Variants in FNDC3B observed in about 807,000 individuals in gnomAD.
The protein encoded by FNDC3B is fibronectin type III domain containing 3B, also known as fibronectin type III domain-containing protein 3B.
In FNDC3B, 12 loss-of-function variants were observed where a neutral mutation model predicts 151.5. The observed-to-expected ratio is 0.08, with a 90% CI of 0.05 to 0.13. FNDC3B has a LOEUF of 0.13. Ranked by LOEUF, FNDC3B falls within the 10% of genes least tolerant of loss-of-function variation. FNDC3B has a pLI of 1.00. For missense variants in FNDC3B, 1,214 were observed against 1,505.3 expected, an observed-to-expected ratio of 0.81 and a Z score of 3.20; for synonymous variants, 528 against 549.0, an observed-to-expected ratio of 0.96 and a Z score of 0.54.
chr3:172,362,339 G>A (rs865897950), intron 22 of FNDC3B, among the ~76,000 whole-genome samples: 2 of 152,010 alleles, frequency 1.3e-5, no homozygotes, highest in Non-Finnish European at 2.9e-5. Context: ...ATATAAAAGC[G>A]TATCTTTAAG....
chr3:172,362,337 GC>G (rs371489798), intron 22 of FNDC3B, among the ~76,000 whole-genome samples: 1 of 151,972 alleles, frequency 6.6e-6, no homozygotes, highest in African/African-American at 2.4e-5. Flanking sequence ...AAATATAAAA[GC>G]GTATCTTTAA....
chr3:172,307,737 C>T (rs149045481), intron 10 of FNDC3B, among the ~76,000 whole-genome samples: 24 of 152,212 alleles, frequency 1.6e-4, no homozygotes, highest in African/African-American at 4.8e-4. Flanking sequence ...TTTTTTAGCA[C>T]GACTCCAGTC....
intron 25 of FNDC3B, among the ~76,000 whole-genome samples, chr3:172,391,911 G>A (rs1307236160): frequency 1.3e-5 from 2 of 151,898 alleles, no homozygotes; most frequent in East Asian, 1.9e-4. Context: ...TCCAAGAAAA[G>A]CATTCTATAC....
intron 25 of FNDC3B, among the ~76,000 whole-genome samples, chr3:172,387,205 C>G (rs1420665836): frequency 1.3e-5 from 2 of 152,198 alleles, no homozygotes; most frequent in Non-Finnish European, 2.9e-5. Context: ...GATCCACCTG[C>G]TTCGGCCTCC....
At chr3:172,267,795 C>T (rs940363159) in intron 6 of FNDC3B, among the ~76,000 whole-genome samples, 10 of 151,892 alleles carry the variant, frequency 6.6e-5, no homozygotes, top group East Asian at 1.9e-4. Context: ...TCTTATGTCC[C>T]GTAAATGTTA....
intron 23 of FNDC3B, among the ~76,000 whole-genome samples, chr3:172,377,709 T>C (rs1422144460): frequency 6.6e-6 from 1 of 152,202 alleles, no homozygotes; most frequent in East Asian, 1.9e-4. Context: ...TTTTTTTTTC[T>C]TTTTACATGT....
chr3:172,319,435 A>C (rs1229173237), intron 11 of FNDC3B, among the ~76,000 whole-genome samples: 1 of 152,204 alleles, frequency 6.6e-6, no homozygotes, highest in Non-Finnish European at 1.5e-5. Flanking sequence ...TTTAAACCAG[A>C]AGACCTAGTG....
At chr3:172,355,607 T>C (rs765172844) in intron 22 of FNDC3B, among the ~76,000 whole-genome samples, 19 of 152,178 alleles carry the variant, frequency 1.2e-4, no homozygotes, top group Non-Finnish European at 2.2e-4. Context: ...AGAGCAGTGA[T>C]TCTTAAATGT....
chr3:172,375,893 G>C (rs1735111274), intron 23 of FNDC3B, among the ~76,000 whole-genome samples: 1 of 152,134 alleles, frequency 6.6e-6, no homozygotes, highest in Non-Finnish European at 1.5e-5. Flanking sequence ...TCCTGGAGCT[G>C]CCTAACTCCG....
intron 25 of FNDC3B, among the ~76,000 whole-genome samples, chr3:172,394,101 C>T (rs1736151773): frequency 5.4e-5 from 1 of 18,664 alleles, no homozygotes; most frequent in Admixed American, 7.1e-4. Flanking sequence ...GAGTGAGACT[C>T]CTTCTAAAAA....
At chr3:172,071,420 G>A (rs1717767881) in intron 1 of FNDC3B, among the ~76,000 whole-genome samples, 1 of 151,968 alleles carries the variant, frequency 6.6e-6, no homozygotes, top group African/African-American at 2.4e-5. Context: ...TGGTTTTATG[G>A]GCTCATGGAT....
chr3:172,182,496 C>T (rs79178954), intron 3 of FNDC3B, among the ~76,000 whole-genome samples: 14,551 of 152,130 alleles, frequency 0.096, 862 homozygotes, highest in East Asian at 0.2. Context: ...TTTGGTTGTC[C>T]GCTCTGACAG....
intron 4 of FNDC3B, among the ~76,000 whole-genome samples, chr3:172,247,219 T>C (rs1727823497): frequency 6.6e-6 from 1 of 152,234 alleles, no homozygotes. Context: ...TTAAATTCAC[T>C]CGTCTTGGAT....
chr3:172,334,292 C>A (rs1028221280), intron 14 of FNDC3B, among the ~76,000 whole-genome samples: 1 of 151,042 alleles, frequency 6.6e-6, no homozygotes, highest in Non-Finnish European at 1.5e-5. Flanking sequence ...TTGCCCTACG[C>A]TTTAAAAAGT....
intron 3 of FNDC3B, among the ~76,000 whole-genome samples, chr3:172,210,465 CA>C (rs1725680833): frequency 6.6e-6 from 1 of 152,112 alleles, no homozygotes. Context: ...TTCAGCCTCC[CA>C]AGTATGCTGG....
At chr3:172,143,506 C>T (rs1240125306) in intron 3 of FNDC3B, among the ~76,000 whole-genome samples, 1 of 151,970 alleles carries the variant, frequency 6.6e-6, no homozygotes, top group African/African-American at 2.4e-5. Flanking sequence ...TTTTAGGTTA[C>T]TCGTTAATTT....
At chr3:172,073,327 A>G (rs1425209240) in intron 1 of FNDC3B, among the ~76,000 whole-genome samples, 3 of 152,182 alleles carry the variant, frequency 2.0e-5, no homozygotes, top group Non-Finnish European at 4.4e-5. Flanking sequence ...CCCACTTTCC[A>G]TTTGTAATTC....
chr3:172,396,973 T>G (rs1002114086), intron 25 of FNDC3B, among the ~76,000 whole-genome samples, 191 bp from the exon 26 acceptor site: 4 of 152,226 alleles, frequency 2.6e-5, no homozygotes, highest in African/African-American at 9.6e-5. Context: ...ATTGTTTCAT[T>G]CAAAGTGTGT....
chr3:172,120,252 G>A (rs1004413341), intron 2 of FNDC3B, among the ~76,000 whole-genome samples: 1 of 152,190 alleles, frequency 6.6e-6, no homozygotes, highest in African/African-American at 2.4e-5. Context: ...TAGAAATTGA[G>A]CTGCCCTTAA....
Sources: allele counts gnomAD v4.1 joint callset (sites outside exome capture counted in the v4.1 genomes callset), GRCh38; gene constraint gnomAD v4.1.1; transcripts MANE v1.5; gene names NCBI Gene and HGNC (gene_info 2026-07-23, HGNC 2026-07-21).